Variants in CEP97 observed in about 807,000 individuals in gnomAD.
CEP97 encodes the protein centrosomal protein 97.
In CEP97, 43 loss-of-function variants were observed where a neutral mutation model predicts 73.1. That is an observed-to-expected ratio of 0.59 (90% CI 0.46 to 0.76). CEP97 has a LOEUF of 0.76. Ranked by LOEUF, CEP97 falls within the 30% of genes least tolerant of loss-of-function variation. CEP97 has a pLI of 0.00. For synonymous variants in CEP97, 337 were observed against 370.0 expected (o/e 0.91, Z 1.02); for missense variants, 939 against 1,014.0 (o/e 0.93, Z 1.00).
Position 101,744,344 on chromosome 3 carries a change from G to A in CEP97, c.729-11086G>A, listed in dbSNP as rs533022309. On this transcript the variant is annotated intron_variant, in intron 6 of 10. Coordinates refer to ENST00000341893, the MANE Select transcript of CEP97 (RefSeq NM_024548.4). ...CATGCCTGTAATCCTAGCACTTTGG[G>A]AGGCCAAGGTGGGTGGATCACCTGA... 1.6e-3 allele frequency among the ~76,000 whole-genome samples: 240 copies of A among 152,226 alleles called. 1 individual carries two copies. Among genetic ancestry groups the A allele is most frequent in the Non-Finnish European group, 2.9e-3 (194 of 68,034 alleles).
chr3:101,727,730 C>A (rs1023782703), intron 3 of CEP97, among the ~76,000 whole-genome samples, 189 bp downstream of exon 3: 3 of 152,020 alleles, frequency 2.0e-5, no homozygotes, highest in African/African-American at 7.3e-5. Context: ...TAAATTTGAA[C>A]AAAGAATCTA....
chr3:101,767,304 A>G lies in CEP97; in HGVS notation c.*1753A>G, dbSNP rs979086615. ...CTTAGTGAAACATGTGTAACATTGA[A>G]TGCATGTTAAATAAAAATGGAATTT... On this transcript the variant is annotated 3_prime_UTR_variant, in exon 11 of 11. Transcript: ENST00000341893. 1 of 152,250 alleles carries G rather than the reference A, an allele frequency of 6.6e-6. No homozygotes were observed. Among genetic ancestry groups the G allele is most frequent in the African/African-American group, 2.4e-5 (1 of 41,470 alleles). 9.4% of individuals were successfully genotyped at this position (152,250 alleles called of 1,614,324 possible). A position where few individuals can be genotyped will look rare whatever the true frequency, so the allele number is the denominator to read the frequency against.
intron 6 of CEP97, among the ~76,000 whole-genome samples, chr3:101,736,689 A>G (rs1938286655): frequency 6.6e-6 from 1 of 152,238 alleles, no homozygotes; most frequent in African/African-American, 2.4e-5. Context: ...ACCCCATCTG[A>G]AGGTCACCAA....
intron 4 of CEP97, among the ~76,000 whole-genome samples, chr3:101,731,152 T>C (rs1938094645): frequency 6.6e-6 from 1 of 151,816 alleles, no homozygotes; most frequent in Non-Finnish European, 1.5e-5. Context: ...TATCACTCTC[T>C]TTTTTGGAAA....
chr3:101,742,078 A>T (rs947097248), intron 6 of CEP97, among the ~76,000 whole-genome samples: 1 of 151,896 alleles, frequency 6.6e-6, no homozygotes, highest in Non-Finnish European at 1.5e-5. Context: ...AAACAAAAAA[A>T]ACAGGAAACA....
At position 101,731,837 on chromosome 3, in the gene CEP97, A is replaced by C. The variant is rs199611157; in HGVS notation, c.448-3A>C. On this transcript the variant is annotated splice_region_variant and splice_polypyrimidine_tract_variant and intron_variant, in intron 4 of 10. Coordinates refer to ENST00000341893, the MANE Select transcript of CEP97 (RefSeq NM_024548.4). ...TGTAATTCATACTGTTTTTACTTTC[A>C]AGACCCTGCTTTTACATGGAAACAT... 6.4e-7 allele frequency: 1 copy of C among 1,557,134 alleles called. No individual in the cohort carries two copies. Among genetic ancestry groups the C allele is most frequent in the African/African-American group, 1.4e-5 (1 of 73,552 alleles).
intron 9 of CEP97, among the ~76,000 whole-genome samples, chr3:101,759,875 T>C (rs1939120561): frequency 6.6e-6 from 1 of 151,776 alleles, no homozygotes; most frequent in African/African-American, 2.4e-5. Context: ...AAGAGTTGTT[T>C]TGAGGAAAAC....
chr3:101,765,224 A>G lies in CEP97; in HGVS notation c.2271A>G (p.Glu757=), dbSNP rs1366580260. 6.2e-7 allele frequency: 1 copy of G among 1,614,214 alleles called. No individual in the cohort carries two copies. The highest frequency in any genetic ancestry group is 8.5e-7 in the Non-Finnish European group (1 of 1,180,034). ...DLGDVSEEHG[E]WNKESSNNEQ... is the part of the protein sequence containing the mutation. ...GGGATGTTAGTGAAGAACATGGTGA[A>G]TGGAATAAGGAAAGCTCAAATAACG... Residue 757 remains glutamate (E), a synonymous_variant, in exon 11 of 11, where the codon GAA becomes GAG. Coordinates refer to ENST00000341893, the MANE Select transcript of CEP97 (RefSeq NM_024548.4).
intron 10 of CEP97, among the ~76,000 whole-genome samples, chr3:101,763,409 A>G (rs1041265901): frequency 6.6e-6 from 1 of 152,274 alleles, no homozygotes; most frequent in African/African-American, 2.4e-5. Flanking sequence ...GTAAAAAAAA[A>G]AAACAGCACT....
intron 3 of CEP97, among the ~76,000 whole-genome samples, chr3:101,728,257 C>CT (rs1937963720): frequency 1.5e-5 from 2 of 134,010 alleles, no homozygotes; most frequent in Non-Finnish European, 3.2e-5. Flanking sequence ...ACTATGGTTT[C>CT]TTTTGTTTTT....
chr3:101,760,863 TA>T (rs941777150), intron 9 of CEP97, among the ~76,000 whole-genome samples: 1 of 143,038 alleles, frequency 7.0e-6, no homozygotes, highest in African/African-American at 2.5e-5. Context: ...ATTTTTTATC[TA>T]AAAAAATTTT....
chr3:101,731,863 C>G lies in CEP97; in HGVS notation c.471C>G (p.Ile157Met). The change falls in exon 5 of 11, where the codon ATC becomes ATG. Residue 157 changes from isoleucine to methionine, a missense_variant. Ile to Met is a conservative substitution (Grantham distance 10). Coordinates refer to ENST00000341893, the MANE Select transcript of CEP97 (RefSeq NM_024548.4). ...AGACCCTGCTTTTACATGGAAACATCATCACCTCTCTTAGAATGGCACCTG... is the reference window on the plus strand; with the variant it reads ...AGACCCTGCTTTTACATGGAAACATGATCACCTCTCTTAGAATGGCACCTG... ...SLKTLLLHGN[I>M]ITSLRMAPAY... 6.2e-7 allele frequency: 1 copy of G among 1,602,438 alleles called. No homozygotes were observed. Among genetic ancestry groups the G allele is most frequent in the Non-Finnish European group, 8.5e-7 (1 of 1,170,138 alleles).
chr3:101,758,567 T>A, intron 9 of CEP97, 144 bp downstream of exon 9: 1 of 972,770 alleles, frequency 1.0e-6, no homozygotes, highest in Non-Finnish European at 1.5e-6. Context: ...TCCTACAGTG[T>A]ACCGAAAGCA....
rs575049145 is a variant in CEP97 at position 101,727,689 on chromosome 3, T to C, written c.345+148T>C. On this transcript the variant is annotated intron_variant, in intron 3 of 10. Coordinates refer to ENST00000341893, the MANE Select transcript of CEP97 (RefSeq NM_024548.4). ...AAATAAACTAAAAATAAATCTCATTTTGAAACATATAATATGACATAATAT... is the reference window on the plus strand; with the variant it reads ...AAATAAACTAAAAATAAATCTCATTCTGAAACATATAATATGACATAATAT... The C allele has an allele frequency of 2.4e-4, 149 of 620,148 alleles. No homozygotes were observed. The African/African-American group carries it at 2.4e-3, about 10-fold the overall frequency. The allele number at this position is 620,148 out of a possible 1,614,324, so 38.4% of individuals were successfully genotyped here. A position where few individuals can be genotyped will look rare whatever the true frequency, so the allele number is the denominator to read the frequency against.
intron 6 of CEP97, among the ~76,000 whole-genome samples, chr3:101,741,295 A>C (rs567238481): frequency 6.6e-6 from 1 of 152,348 alleles, no homozygotes; most frequent in South Asian, 2.1e-4. Flanking sequence ...TAAATGTAAG[A>C]CCTAAAACTG....
Position 101,764,940 on chromosome 3 carries a change from TC to T in CEP97, c.1988del (p.Ser663Ter). 1 of 1,614,240 alleles carries T rather than the reference TC, an allele frequency of 6.2e-7. No individual in the cohort carries two copies. The highest frequency in any genetic ancestry group is 8.5e-7 in the Non-Finnish European group (1 of 1,180,046). On this transcript the variant is annotated frameshift_variant, in exon 11 of 11. Transcript: ENST00000341893. LOFTEE classifies it low-confidence loss of function (END_TRUNC). ...TCCTATATCAAGTACTCTTGTGCCATCGAAACATCCATTATTTACCCAAAGC... is the reference window on the plus strand; with the variant it reads ...TCCTATATCAAGTACTCTTGTGCCATGAAACATCCATTATTTACCCAAAGC... ...VPPISSTLVP[S>X]KHPLFTQSQE...
intron 9 of CEP97, 75 bp downstream of exon 9, chr3:101,758,498 C>G: frequency 1.3e-6 from 2 of 1,515,502 alleles, no homozygotes; most frequent in Non-Finnish European, 9.0e-7. Context: ...ATTCAGAACA[C>G]TGTGCTTCTG....
chr3:101,748,455 T>G (rs1463820416), intron 6 of CEP97, among the ~76,000 whole-genome samples: 1 of 152,150 alleles, frequency 6.6e-6, no homozygotes, highest in Non-Finnish European at 1.5e-5. Flanking sequence ...ACAGATCATC[T>G]CTAACTTAGA....
intron 6 of CEP97, among the ~76,000 whole-genome samples, chr3:101,741,965 C>T (rs1379488970): frequency 6.6e-6 from 1 of 151,698 alleles, no homozygotes; most frequent in African/African-American, 2.4e-5. Context: ...TCGCTTGAGC[C>T]CAGGAGGTGG....
Sources: gnomAD v4.1 joint callset for allele counts (sites outside exome capture counted in the v4.1 genomes callset) on GRCh38, gnomAD v4.1.1 for gene constraint, MANE v1.5 for transcripts, NCBI Gene and HGNC (gene_info 2026-07-23, HGNC 2026-07-21) for gene names.